The following FAAH2 variants were observed in gnomAD, a reference collection of about 807,000 sequenced individuals.
The protein encoded by FAAH2 is fatty acid amide hydrolase 2, also known as fatty-acid amide hydrolase 2.
Under a neutral mutation model 36.9 loss-of-function variants are expected in FAAH2, and 60 were observed. The ratio of observed to expected loss-of-function variants is 1.63; its 90% CI spans 1.32 to 2.02. The LOEUF (loss-of-function observed/expected upper bound fraction) is 2.02, where lower values mean the gene tolerates loss of function less well. FAAH2 is among the 30% of genes most tolerant of loss of function. The pLI is 0.00. For missense variants in FAAH2, 689 were observed against 397.5 expected (o/e 1.73, Z -6.23); for synonymous variants, 214 against 143.8 (o/e 1.49, Z -3.49).
At chrX:57,253,556 C>T in the FAAH2 span, among the ~76,000 whole-genome samples, 937 of 111,836 alleles carry the variant, frequency 8.4e-3, 8 homozygotes, top group African/African-American at 0.029. Flanking sequence ...GCCCATCAAA[C>T]GAACAGTGGA....
intron 8 of FAAH2, among the ~76,000 whole-genome samples, chrX:57,436,982 G>A (rs1033063900): frequency 2.7e-5 from 3 of 110,553 alleles, no homozygotes; most frequent in Admixed American, 1.9e-4. Flanking sequence ...AAACTCCTCA[G>A]CAAAATACTA....
At chrX:57,170,686 G>A in the FAAH2 span, among the ~76,000 whole-genome samples, 1 of 69,774 alleles carries the variant, frequency 1.4e-5, no homozygotes, top group South Asian at 6.3e-4. Context: ...TGAACACACA[G>A]TATTTACTTT....
At chrX:57,302,101 C>G (rs1184122004) in intron 2 of FAAH2, among the ~76,000 whole-genome samples, 3 of 111,516 alleles carry the variant, frequency 2.7e-5, no homozygotes, top group Non-Finnish European at 5.6e-5. Context: ...ATATTCTTCC[C>G]AATCTGTGAA....
chrX:57,237,088 T>A, the FAAH2 span, among the ~76,000 whole-genome samples: 1 of 111,844 alleles, frequency 8.9e-6, no homozygotes, highest in African/African-American at 3.2e-5. Flanking sequence ...ATCCAGTTTT[T>A]CCAGCACCAT....
intron 5 of FAAH2, among the ~76,000 whole-genome samples, chrX:57,374,132 T>A (rs2054614058): frequency 8.9e-6 from 1 of 111,842 alleles, no homozygotes; most frequent in African/African-American, 3.3e-5. Flanking sequence ...ATAGTATAGT[T>A]TGAAATTAGG....
the FAAH2 span, among the ~76,000 whole-genome samples, chrX:57,138,578 A>C: frequency 2.7e-5 from 3 of 111,411 alleles, no homozygotes; most frequent in Admixed American, 9.6e-5. Flanking sequence ...ATATATACCC[A>C]ATAGTGAGAT....
the FAAH2 span, among the ~76,000 whole-genome samples, chrX:57,270,622 A>G: frequency 9.0e-6 from 1 of 111,559 alleles, no homozygotes; most frequent in South Asian, 3.8e-4. Flanking sequence ...TGCATTTCCA[A>G]CTGACGTACC....
chrX:57,336,853 A>T (rs949538440), intron 4 of FAAH2, among the ~76,000 whole-genome samples: 6 of 111,424 alleles, frequency 5.4e-5, no homozygotes, highest in Non-Finnish European at 7.5e-5. Context: ...AAGCAAGAGC[A>T]AACAAATCCC....
At position 57,488,819 on chromosome X, in the gene FAAH2, C is replaced by A. The variant is rs770265047; in HGVS notation, c.1486C>A (p.Leu496Ile). 5.0e-6 allele frequency: 6 copies of A among 1,211,075 alleles called. No individual in the cohort carries two copies. The South Asian group carries it at 1.1e-4, about 21-fold the overall frequency. The change falls in exon 11 of 11, where the codon CTC becomes ATC. Residue 496 changes from leucine (L) to isoleucine (I), a missense_variant. By Grantham distance (5) the Leu-to-Ile change is conservative. Transcript: ENST00000374900. The part of the protein sequence containing the change: ...QCPLGLNAKG[L>I]PLGIQVVAGP... ...CCCACTGGGACTGAATGCCAAAGGA[C>A]TCCCTTTAGGCATCCAGGTTGTGGC...
At chrX:57,391,944 T>C (rs909572808) in intron 7 of FAAH2, among the ~76,000 whole-genome samples, 3 of 110,600 alleles carry the variant, frequency 2.7e-5, no homozygotes, top group Non-Finnish European at 1.9e-5. Flanking sequence ...TTCCAGTCCA[T>C]GAGCATAAGA....
the FAAH2 span, among the ~76,000 whole-genome samples, chrX:57,255,762 G>A: frequency 8.9e-6 from 1 of 111,763 alleles, no homozygotes; most frequent in Admixed American, 9.5e-5. Flanking sequence ...ACTGGGTATT[G>A]AGGGAACATA....
In FAAH2 at chrX:57,425,986, G is replaced by A. The variant is rs914629010; in HGVS notation, c.997-5932G>A. Among the ~76,000 whole-genome samples the A allele has an allele frequency of 7.1e-5, 8 of 111,998 alleles. No individual in the cohort carries two copies. In the Admixed American group the frequency reaches 7.6e-4, roughly 11 times the overall value. Reference sequence around the variant, plus strand: ...TCATAAATACAATTATAGACTGAAGGTAATGGGTGAAGACAGATGTTCTGT... The same window carrying A: ...TCATAAATACAATTATAGACTGAAGATAATGGGTGAAGACAGATGTTCTGT... On this transcript the variant is annotated intron_variant, in intron 7 of 10. Coordinates refer to ENST00000374900, the MANE Select transcript of FAAH2 (RefSeq NM_174912.4).
intron 2 of FAAH2, among the ~76,000 whole-genome samples, chrX:57,308,619 T>C (rs772733015): frequency 8.9e-6 from 1 of 111,952 alleles, no homozygotes; most frequent in Non-Finnish European, 1.9e-5. Flanking sequence ...ATTAACTGAC[T>C]GTACAATATT....
the FAAH2 span, among the ~76,000 whole-genome samples, chrX:57,158,315 G>T: frequency 8.9e-6 from 1 of 112,211 alleles, no homozygotes; most frequent in African/African-American, 3.2e-5. Flanking sequence ...ACATACGTGT[G>T]CATGTGTCTT....
intron 3 of FAAH2, among the ~76,000 whole-genome samples, chrX:57,323,520 C>T (rs2053100211): frequency 9.0e-6 from 1 of 111,338 alleles, no homozygotes; most frequent in Admixed American, 9.6e-5. Context: ...TTAATGATTG[C>T]CTTTCTAACT....
chrX:57,199,881 AT>A, the FAAH2 span, among the ~76,000 whole-genome samples: 1 of 111,654 alleles, frequency 9.0e-6, no homozygotes, highest in Non-Finnish European at 1.9e-5. Context: ...CTAGAAATTT[AT>A]TTTTTCTGAT....
intron 7 of FAAH2, among the ~76,000 whole-genome samples, chrX:57,429,540 G>A (rs889385128): frequency 9.0e-6 from 1 of 111,048 alleles, no homozygotes; most frequent in Non-Finnish European, 1.9e-5. Flanking sequence ...AACAGATATT[G>A]GCAAGTATGG....
At chrX:57,216,386 A>T in the FAAH2 span, among the ~76,000 whole-genome samples, 106 of 103,269 alleles carry the variant, frequency 1.0e-3, no homozygotes, top group African/African-American at 3.5e-3. Context: ...TTGGTTTTCC[A>T]TTCCTGAGTT....
At position 57,300,139 on chromosome X, in the gene FAAH2, G is replaced by A. The variant is rs192585345; in HGVS notation, c.275+7559G>A. Among the ~76,000 whole-genome samples, 389 of 111,155 alleles carry A rather than the reference G, an allele frequency of 3.5e-3. 2 individuals are homozygous for A. Among genetic ancestry groups the A allele is most frequent in the African/African-American group, 0.012 (354 of 30,544 alleles). Reference sequence around the variant, plus strand: ...TTCATATAGAACCAAAAAAGAGCCCGCATTGCCAAGTCAATCCTAAGCCAA... The same window carrying A: ...TTCATATAGAACCAAAAAAGAGCCCACATTGCCAAGTCAATCCTAAGCCAA... On this transcript the variant is annotated intron_variant, in intron 2 of 10. Coordinates refer to ENST00000374900, the MANE Select transcript of FAAH2 (RefSeq NM_174912.4).
Sources: allele counts gnomAD v4.1 joint callset (sites outside exome capture counted in the v4.1 genomes callset), GRCh38; gene constraint gnomAD v4.1.1; transcripts MANE v1.5; gene names NCBI Gene and HGNC (gene_info 2026-07-23, HGNC 2026-07-21).